ADARB2: variants seen among roughly 807,000 people sequenced by gnomAD.
ADARB2 encodes inactive double-stranded RNA-specific editase B2.
A neutral mutation model predicts 62.2 loss-of-function variants in ADARB2; 25 were observed. That is an observed-to-expected ratio of 0.40 (90% confidence interval 0.29 to 0.56). ADARB2 has a LOEUF of 0.56. Among genes scored for constraint, ADARB2 ranks in the 20% least tolerant of loss-of-function variants. The probability of loss-of-function intolerance (pLI) is 0.43; values close to 1 mark genes in which losing one functional copy is unlikely to be tolerated. For missense variants in ADARB2, 1,071 were observed against 1,077.4 expected (o/e 0.99, Z 0.08); for synonymous variants, 572 against 500.8 (o/e 1.14, Z -1.90).
chr10:1,602,237 T>G (rs1478763340), intron 1 of ADARB2, among the ~76,000 whole-genome samples: 2 of 152,156 alleles, frequency 1.3e-5, no homozygotes, highest in Non-Finnish European at 2.9e-5. Flanking sequence ...ACACCACGGG[T>G]GGTCAGGCCA....
At chr10:1,488,339 G>T (rs1831571648) in intron 1 of ADARB2, among the ~76,000 whole-genome samples, 1 of 152,218 alleles carries the variant, frequency 6.6e-6, no homozygotes, top group African/African-American at 2.4e-5. Flanking sequence ...CACATGAGCA[G>T]GTCTGAGTAG....
intron 1 of ADARB2, among the ~76,000 whole-genome samples, chr10:1,588,817 C>T (rs77100706): frequency 2.0e-4 from 30 of 152,236 alleles, no homozygotes; most frequent in African/African-American, 7.0e-4. Context: ...TGGAGAGCTT[C>T]GCAGATGACA....
chr10:1,287,217 C>A (rs541656955), intron 3 of ADARB2, among the ~76,000 whole-genome samples: 7 of 152,274 alleles, frequency 4.6e-5, no homozygotes, highest in African/African-American at 1.4e-4. Context: ...CGAGTTGAAT[C>A]ATAAGGAAAT....
chr10:1,217,046 C>T lies in ADARB2; in HGVS notation c.1587G>A (p.Thr529=), dbSNP rs181497558. The T allele has an allele frequency of 1.7e-5, 27 of 1,611,058 alleles. No homozygotes were observed. Among genetic ancestry groups the T allele is most frequent in the Admixed American group, 1.3e-4 (8 of 59,680 alleles). The part of the protein sequence containing the change: ...LRTKIESGEG[T]VPVRGPSAVQ... ...CTGCGCTGGGGCCACGCACGGGGAC[C>T]GTCCCTTCCCCGGACTCGATCTTGG... The change falls in exon 7 of 10, where the codon ACG becomes ACA. Residue 529 remains threonine (T), a synonymous_variant. Transcript: ENST00000381312.
At chr10:1,573,304 G>C (rs1319351507) in intron 1 of ADARB2, among the ~76,000 whole-genome samples, 1 of 152,164 alleles carries the variant, frequency 6.6e-6, no homozygotes, top group Non-Finnish European at 1.5e-5. Flanking sequence ...GCACTCAACT[G>C]TGCTCAGGTT....
chr10:1,556,261 CTTT>C (rs5782583), intron 1 of ADARB2, among the ~76,000 whole-genome samples: 27 of 147,416 alleles, frequency 1.8e-4, no homozygotes, highest in South Asian at 2.2e-4. Context: ...AACAAAAAGT[CTTT>C]TTTTTTTTTT....
chr10:1,253,259 A>T (rs1157573028), intron 4 of ADARB2, among the ~76,000 whole-genome samples: 4 of 152,342 alleles, frequency 2.6e-5, no homozygotes, highest in African/African-American at 4.8e-5. Flanking sequence ...TGCAACCAGG[A>T]TGTTTCTGTG....
intron 1 of ADARB2, among the ~76,000 whole-genome samples, chr10:1,580,046 C>T (rs1009900780): frequency 6.6e-6 from 1 of 152,218 alleles, no homozygotes; most frequent in Non-Finnish European, 1.5e-5. Flanking sequence ...GGCAGACGAG[C>T]GAGTCACCAG....
At chr10:1,198,011 A>T (rs1490119484) in intron 8 of ADARB2, among the ~76,000 whole-genome samples, 2 of 152,248 alleles carry the variant, frequency 1.3e-5, no homozygotes. Context: ...GACCAAGGGC[A>T]AACTCCTTTA....
At chr10:1,548,149 A>G (rs1452835175) in intron 1 of ADARB2, among the ~76,000 whole-genome samples, 1 of 152,152 alleles carries the variant, frequency 6.6e-6, no homozygotes, top group Non-Finnish European at 1.5e-5. Context: ...GAACTTTCCC[A>G]GCTGAACCTT....
chr10:1,344,094 A>G (rs778429440), intron 3 of ADARB2, among the ~76,000 whole-genome samples: 25 of 152,206 alleles, frequency 1.6e-4, no homozygotes, highest in Non-Finnish European at 2.8e-4. Context: ...CCTCCTAATC[A>G]TGGCTCTCCC....
At chr10:1,189,918 G>A (rs1036761935) in intron 8 of ADARB2, among the ~76,000 whole-genome samples, 24 of 143,536 alleles carry the variant, frequency 1.7e-4, no homozygotes, top group East Asian at 8.1e-4. Flanking sequence ...AACACGTGGC[G>A]CTACCTCCTT....
chr10:1,415,385 A>G (rs535991692), intron 1 of ADARB2, among the ~76,000 whole-genome samples: 1 of 152,194 alleles, frequency 6.6e-6, no homozygotes, highest in East Asian at 1.9e-4. Flanking sequence ...GGATATAAGA[A>G]AGGGTATATG....
intron 1 of ADARB2, among the ~76,000 whole-genome samples, chr10:1,442,250 T>A (rs1830916382): frequency 6.6e-6 from 1 of 152,228 alleles, no homozygotes. Context: ...ACAGCTCAGG[T>A]TTCCCTCCTT....
rs79234972 is a variant in ADARB2 at position 1,530,957 on chromosome 10, C to T, written c.101-151797G>A. 4.8e-4 allele frequency among the ~76,000 whole-genome samples: 73 copies of T among 152,152 alleles called. No homozygotes were observed. In the East Asian group the frequency reaches 0.011, roughly 22 times the overall value. On this transcript the variant is annotated intron_variant, in intron 1 of 9. Coordinates refer to ENST00000381312, the MANE Select transcript of ADARB2 (RefSeq NM_018702.4). Reference sequence around the variant, plus strand: ...AGCACTCAGGTCTCAGTACTCAGCACGCAGGTCTCAGCACTCAGCACTCAG... The same window carrying T: ...AGCACTCAGGTCTCAGTACTCAGCATGCAGGTCTCAGCACTCAGCACTCAG...
In ADARB2 at chr10:1,233,986, T is replaced by TC. The variant is rs1363967896; in HGVS notation, c.1362-142_1362-141insG. The TC allele has an allele frequency of 3.8e-5, 39 of 1,038,406 alleles. 2 individuals carry two copies. The highest frequency in any genetic ancestry group is 5.1e-5 in the Non-Finnish European group (39 of 764,188). The allele number at this position is 1,038,406 out of a possible 1,614,324, so 64.3% of individuals were successfully genotyped here. A position where few individuals can be genotyped will look rare whatever the true frequency, so the allele number is the denominator to read the frequency against. On this transcript the variant is annotated intron_variant, in intron 5 of 9. Coordinates refer to ENST00000381312, the MANE Select transcript of ADARB2 (RefSeq NM_018702.4). ...TTTTCCTTTTTTTTTTCCTTTTTTT[T>TC]TTGAGACGGAGTCTTGTTCTGTCAC...
intron 1 of ADARB2, among the ~76,000 whole-genome samples, chr10:1,601,813 CT>C (rs1330608849): frequency 6.6e-6 from 1 of 152,200 alleles, no homozygotes; most frequent in Non-Finnish European, 1.5e-5. Context: ...CACTGCAATC[CT>C]TGTGGGTCAC....
intron 1 of ADARB2, among the ~76,000 whole-genome samples, chr10:1,440,769 A>T (rs1830895929): frequency 6.6e-6 from 1 of 152,232 alleles, no homozygotes; most frequent in African/African-American, 2.4e-5. Flanking sequence ...AACAGAACAA[A>T]TGCATGAAAT....
intron 2 of ADARB2, among the ~76,000 whole-genome samples, chr10:1,368,966 G>GAGCTCGCCCT (rs1282287347): frequency 2.6e-5 from 4 of 151,866 alleles, no homozygotes; most frequent in African/African-American, 4.8e-5. Context: ...GGTGGGAGCT[G>GAGCTCGCCCT]GTCCTAGGGG....
Sources: allele counts gnomAD v4.1 joint callset (sites outside exome capture counted in the v4.1 genomes callset), GRCh38; gene constraint gnomAD v4.1.1; transcripts MANE v1.5; gene names NCBI Gene and HGNC (gene_info 2026-07-23, HGNC 2026-07-21).